Variants in CC2D2A observed in about 807,000 individuals in gnomAD.
The protein encoded by CC2D2A is coiled-coil and C2 domain-containing protein 2A.
A neutral mutation model predicts 212.9 loss-of-function variants in CC2D2A; 155 were observed. The observed-to-expected ratio is 0.73, with a 90% CI of 0.64 to 0.83. CC2D2A has a LOEUF of 0.83. Ranked by LOEUF, CC2D2A falls within the 40% of genes least tolerant of loss-of-function variation. CC2D2A has a pLI of 0.00. For missense variants in CC2D2A, 1,856 were observed against 1,956.2 expected, an observed-to-expected ratio of 0.95 and a Z score of 0.97; for synonymous variants, 667 against 686.5, an observed-to-expected ratio of 0.97 and a Z score of 0.44.
chr4:15,561,249 TC>T (rs1719584462), intron 23 of CC2D2A, among the ~76,000 whole-genome samples: 1 of 152,222 alleles, frequency 6.6e-6, no homozygotes, highest in Admixed American at 6.5e-5. Flanking sequence ...AAAGATAATT[TC>T]CCATACTGGT....
chr4:15,550,433 G>T (rs1028447531), intron 17 of CC2D2A, among the ~76,000 whole-genome samples: 6 of 152,184 alleles, frequency 3.9e-5, no homozygotes, highest in Non-Finnish European at 7.3e-5. Context: ...AGCCATCTGG[G>T]GGCATGTCCT....
intron 1 of CC2D2A, 129 bp from the exon 2 acceptor site, chr4:15,475,786 G>A (rs1405841319): frequency 2.7e-6 from 2 of 729,416 alleles, no homozygotes; most frequent in Middle Eastern, 3.2e-4. Flanking sequence ...AGGGTTCCTG[G>A]TGAGTGGAAA....
chr4:15,477,872 T>C (rs1206483361), intron 2 of CC2D2A, among the ~76,000 whole-genome samples: 5 of 152,230 alleles, frequency 3.3e-5, no homozygotes, highest in African/African-American at 4.8e-5. Flanking sequence ...GAAACCTGCA[T>C]GATATTTCTT....
intron 6 of CC2D2A, among the ~76,000 whole-genome samples, chr4:15,507,030 A>G (rs902163054): frequency 6.6e-6 from 1 of 151,500 alleles, no homozygotes; most frequent in Non-Finnish European, 1.5e-5. Flanking sequence ...GTGAGCTGAG[A>G]TCATGCCACT....
At chr4:15,491,167 C>T (rs1715285907) in intron 4 of CC2D2A, among the ~76,000 whole-genome samples, 1 of 152,104 alleles carries the variant, frequency 6.6e-6, no homozygotes, top group African/African-American at 2.4e-5. Context: ...TAAGAAACTG[C>T]CGATATACTT....
At chr4:15,516,138 T>G (rs931000079) in intron 10 of CC2D2A, 134 bp downstream of exon 10, 44 of 938,998 alleles carry the variant, frequency 4.7e-5, no homozygotes, top group Non-Finnish European at 6.1e-5. Context: ...GGTTCATTTT[T>G]TTTTTTTTAA....
intron 8 of CC2D2A, among the ~76,000 whole-genome samples, chr4:15,514,102 T>C (rs1316953682): frequency 1.3e-5 from 2 of 152,356 alleles, no homozygotes; most frequent in African/African-American, 4.8e-5. Flanking sequence ...GATTATAGCC[T>C]CTTTGCTTTG....
intron 4 of CC2D2A, chr4:15,493,117 T>C (rs1715406705): frequency 3.2e-6 from 1 of 313,960 alleles, no homozygotes; most frequent in South Asian, 2.8e-5. Flanking sequence ...TATCTCAGTG[T>C]CTTTGCATCA....
intron 4 of CC2D2A, among the ~76,000 whole-genome samples, chr4:15,495,136 T>G (rs1162362791): frequency 6.6e-6 from 1 of 151,860 alleles, no homozygotes; most frequent in Non-Finnish European, 1.5e-5. Flanking sequence ...GAAGACAGAG[T>G]CTTGCTCTGT....
chr4:15,556,010 G>A (rs1223358647), intron 20 of CC2D2A, among the ~76,000 whole-genome samples: 2 of 152,092 alleles, frequency 1.3e-5, no homozygotes, highest in African/African-American at 2.4e-5. Flanking sequence ...TTGTTTTCTT[G>A]TTGTTGATTA....
chr4:15,587,921 A>T lies in CC2D2A; in HGVS notation c.4171A>T (p.Ile1391Phe). ...GGCCTGGCTGTTGATGGGCAATGCTATTCCTGAGGTAAGACCACATAGGCT... is the reference window on the plus strand; with the variant it reads ...GGCCTGGCTGTTGATGGGCAATGCTTTTCCTGAGGTAAGACCACATAGGCT... ...KKAWLLMGNA[I>F]PEGPTAYVLT... The change falls in exon 32 of 37, where the codon ATT becomes TTT. Residue 1391 changes from isoleucine (I) to phenylalanine (F), a missense_variant. Ile to Phe is a conservative substitution (Grantham distance 21). This residue lies in a region of CC2D2A where 285 missense variants were observed against 278.4 expected (regional missense o/e 1.02). Coordinates refer to ENST00000424120, the MANE Select transcript of CC2D2A (RefSeq NM_001378615.1). 1.2e-6 allele frequency: 2 copies of T among 1,600,882 alleles called. No homozygotes were observed. The highest frequency in any genetic ancestry group is 3.3e-5 in the Admixed American group (2 of 59,902).
intron 4 of CC2D2A, among the ~76,000 whole-genome samples, chr4:15,487,238 T>C (rs1715047935): frequency 6.6e-6 from 1 of 152,020 alleles, no homozygotes; most frequent in Admixed American, 6.6e-5. Flanking sequence ...TGAACGGGAG[T>C]ATTAAGATCC....
intron 4 of CC2D2A, among the ~76,000 whole-genome samples, chr4:15,499,757 G>C (rs1715817338): frequency 6.6e-6 from 1 of 152,074 alleles, no homozygotes; most frequent in Non-Finnish European, 1.5e-5. Flanking sequence ...TGGTGGTGGA[G>C]GGGGTTGGTG....
chr4:15,528,569 C>A, intron 12 of CC2D2A, 51 bp from the exon 13 acceptor site: 1 of 1,486,270 alleles, frequency 6.7e-7, no homozygotes, highest in South Asian at 1.1e-5. Flanking sequence ...AGTTGCACTG[C>A]AGTAGGGAAT....
rs189175693 is a variant in CC2D2A at position 15,500,197 on chromosome 4, A to G, written c.248-2232A>G. ...TTACTGAATATCAGTTATTTCTCCT[A>G]CTTGATCTGCAAAGCCAATATCAGG... On this transcript the variant is annotated intron_variant, in intron 4 of 36. Transcript: ENST00000424120. Among the ~76,000 whole-genome samples the G allele has an allele frequency of 2.7e-5, 4 of 150,926 alleles. No individual in the cohort carries two copies. The South Asian group carries it at 6.3e-4, about 24-fold the overall frequency.
chr4:15,480,475 G>A (rs1293407634), intron 3 of CC2D2A, among the ~76,000 whole-genome samples: 2 of 152,176 alleles, frequency 1.3e-5, no homozygotes, highest in Admixed American at 6.5e-5. Flanking sequence ...AAATAATAAC[G>A]TTATTTGGGG....
chr4:15,479,706 G>A (rs952361541), intron 3 of CC2D2A, among the ~76,000 whole-genome samples: 14 of 152,104 alleles, frequency 9.2e-5, no homozygotes, highest in Admixed American at 5.9e-4. Flanking sequence ...ACACAGCTCC[G>A]AAGCTTTAAC....
At chr4:15,599,480 C>A (rs548094461) in intron 35 of CC2D2A, 49 bp from the exon 36 acceptor site, 73 of 1,271,540 alleles carry the variant, frequency 5.7e-5, no homozygotes, top group Middle Eastern at 2.0e-4. Flanking sequence ...CATTTTTTAA[C>A]AAGGGAAAAG....
chr4:15,508,982 G>T (rs1264621668), intron 6 of CC2D2A, among the ~76,000 whole-genome samples: 1 of 152,248 alleles, frequency 6.6e-6, no homozygotes, highest in East Asian at 1.9e-4. Context: ...TTTTAAAAGG[G>T]GTGGATTAGA....
Sources: allele counts gnomAD v4.1 joint callset (sites outside exome capture counted in the v4.1 genomes callset), GRCh38; gene constraint gnomAD v4.1.1; regional missense constraint gnomAD v4.1.1; transcripts MANE v1.5; gene names NCBI Gene and HGNC (gene_info 2026-07-23, HGNC 2026-07-21).